UMAD1: variants seen among roughly 807,000 people sequenced by gnomAD.
UMAD1 encodes UBAP1-MVB12-associated (UMA) domain containing 1.
Under a neutral mutation model 6.1 loss-of-function variants are expected in UMAD1, and 8 were observed. That is an observed-to-expected ratio of 1.30 (90% confidence interval 0.76 to 2.35). UMAD1 has a LOEUF of 2.35. Ranked by LOEUF, UMAD1 falls within the 30% of genes most tolerant of loss-of-function variation. UMAD1 has a pLI of 0.00. For synonymous variants in UMAD1, 56 were observed against 31.4 expected (o/e 1.78, Z -2.61); for missense variants, 130 against 78.4 (o/e 1.66, Z -2.49).
intron 3 of UMAD1, among the ~76,000 whole-genome samples, chr7:7,824,681 C>G (rs1783307096): frequency 6.6e-6 from 1 of 152,126 alleles, no homozygotes; most frequent in South Asian, 2.1e-4. Flanking sequence ...AGATAGGACA[C>G]TATCATCATC....
intron 1 of UMAD1, among the ~76,000 whole-genome samples, chr7:7,653,114 T>C (rs1785260539): frequency 6.6e-6 from 1 of 152,248 alleles, no homozygotes; most frequent in Non-Finnish European, 1.5e-5. Flanking sequence ...AGATGCTTTT[T>C]GTTAGAGTTG....
At chr7:7,665,405 T>G (rs1163986511) in intron 1 of UMAD1, among the ~76,000 whole-genome samples, 1 of 152,212 alleles carries the variant, frequency 6.6e-6, no homozygotes, top group Non-Finnish European at 1.5e-5. Flanking sequence ...ACATTTTGCT[T>G]TTTATATAAA....
At chr7:7,699,507 G>A (rs1273122206) in intron 2 of UMAD1, among the ~76,000 whole-genome samples, 2 of 152,190 alleles carry the variant, frequency 1.3e-5, no homozygotes, top group African/African-American at 2.4e-5. Flanking sequence ...AACTAAACAG[G>A]AGCAGTGGAA....
chr7:7,829,255 G>A (rs748109606), intron 3 of UMAD1, among the ~76,000 whole-genome samples: 3 of 152,224 alleles, frequency 2.0e-5, no homozygotes, highest in Admixed American at 6.5e-5. Context: ...TACTGAATGA[G>A]CAGCAGCAAT....
Position 7,834,976 on chromosome 7 carries a change from T to A in UMAD1, c.156+33233T>A, listed in dbSNP as rs1320677941. On this transcript the variant is annotated intron_variant, in intron 3 of 3. Coordinates refer to ENST00000682710, the MANE Select transcript of UMAD1 (RefSeq NM_001302348.2). ...AGAAAGCAAAGGAAGCCACACATTTTAAAAAAATCAGATCTCTTGAGAACT... is the reference window on the plus strand; with the variant it reads ...AGAAAGCAAAGGAAGCCACACATTTAAAAAAAATCAGATCTCTTGAGAACT... Among the ~76,000 whole-genome samples, 6 of 152,078 alleles carry A rather than the reference T, an allele frequency of 3.9e-5. No homozygotes were observed. In the East Asian group the frequency reaches 5.8e-4, roughly 15 times the overall value.
chr7:7,760,622 A>C (rs940365803), intron 2 of UMAD1, among the ~76,000 whole-genome samples: 1 of 152,002 alleles, frequency 6.6e-6, no homozygotes, highest in Non-Finnish European at 1.5e-5. Context: ...TTATGGCAGG[A>C]AGACTGAGTT....
intron 3 of UMAD1, among the ~76,000 whole-genome samples, chr7:7,864,290 C>G (rs1306059376): frequency 6.6e-6 from 1 of 152,106 alleles, no homozygotes. Flanking sequence ...CAAAACACTT[C>G]TAATAGTAAA....
chr7:7,644,464 A>T (rs1373113078), intron 1 of UMAD1, among the ~76,000 whole-genome samples: 4 of 152,014 alleles, frequency 2.6e-5, no homozygotes, highest in Admixed American at 2.6e-4. Flanking sequence ...ATTCTTTGAT[A>T]CATCGTACTC....
intron 2 of UMAD1, chr7:7,742,591 G>C (rs1427513120): frequency 3.0e-5 from 15 of 502,494 alleles, no homozygotes; most frequent in South Asian, 1.8e-4. Context: ...ACAATTTCTA[G>C]AAGGATTAAA....
chr7:7,871,168 T>A (rs1343051564), intron 3 of UMAD1, among the ~76,000 whole-genome samples: 1 of 152,236 alleles, frequency 6.6e-6, no homozygotes, highest in East Asian at 1.9e-4. Flanking sequence ...TCAGCCTGTC[T>A]GTAAGATCTG....
At chr7:7,677,631 C>A (rs1779776300) in intron 2 of UMAD1, among the ~76,000 whole-genome samples, 1 of 151,048 alleles carries the variant, frequency 6.6e-6, no homozygotes, top group Admixed American at 6.6e-5. Flanking sequence ...TGTATATGTA[C>A]CACATTTTCT....
At position 7,828,280 on chromosome 7, in the gene UMAD1, G is replaced by A. The variant is rs145766583; in HGVS notation, c.156+26537G>A. ...AGCTATTATTTGTTGTTCTACTGTG[G>A]TTAGAGACTGTGTGGAGTACAGTGC... is the stretch of plus-strand genomic sequence containing the variant. On this transcript the variant is annotated intron_variant, in intron 3 of 3. Transcript: ENST00000682710. 9.4e-4 allele frequency among the ~76,000 whole-genome samples: 143 copies of A among 152,260 alleles called. 1 individual carries two copies. The highest frequency in any genetic ancestry group is 3.3e-3 in the African/African-American group (136 of 41,568).
chr7:7,760,332 G>C (rs1431477462), intron 2 of UMAD1, among the ~76,000 whole-genome samples: 3 of 151,656 alleles, frequency 2.0e-5, no homozygotes, highest in Non-Finnish European at 4.4e-5. Context: ...TTGACTCACA[G>C]AGCTGTGAGA....
intron 2 of UMAD1, among the ~76,000 whole-genome samples, chr7:7,700,869 C>A (rs1477222414): frequency 2.0e-5 from 3 of 151,750 alleles, no homozygotes; most frequent in African/African-American, 4.9e-5. Context: ...GCCTGGGTAA[C>A]AAGAGCGAGA....
At chr7:7,865,752 T>G (rs1446672597) in intron 3 of UMAD1, among the ~76,000 whole-genome samples, 1 of 152,172 alleles carries the variant, frequency 6.6e-6, no homozygotes, top group Non-Finnish European at 1.5e-5. Flanking sequence ...ACCATGTAGC[T>G]GGAGAGAAAC....
rs1054576833 is a variant in UMAD1, at chr7:7,877,351, T to C, written c.227T>C (p.Leu76Pro). The change falls in exon 4 of 4, where the codon CTG (leucine) becomes CCG (proline). Residue 76 changes from leucine (L) to proline (P), a missense_variant. Physicochemically the swap from Leu to Pro is moderately conservative, Grantham distance 98 (BLOSUM62 -3). Coordinates refer to ENST00000682710, the MANE Select transcript of UMAD1 (RefSeq NM_001302348.2). ...PEMENKAGQT[L>P]ENSSLMAELL... ...ATGGAAAATAAGGCAGGCCAGACTC[T>C]GGAGAACAGCTCATTAATGGCCGAG... 3 of 717,412 alleles carry C rather than the reference T, an allele frequency of 4.2e-6. No individual in the cohort carries two copies. Among genetic ancestry groups the C allele is most frequent in the Non-Finnish European group, 7.8e-6 (3 of 385,104 alleles). 44.4% of individuals were successfully genotyped at this position (717,412 alleles called of 1,614,324 possible).
chr7:7,818,741 G>A (rs537019863), intron 3 of UMAD1, among the ~76,000 whole-genome samples: 94 of 152,322 alleles, frequency 6.2e-4, no homozygotes, highest in African/African-American at 2.3e-3. Flanking sequence ...ATTCACAATA[G>A]CAAAGACATG....
chr7:7,855,259 T>C (rs996548110), intron 3 of UMAD1, among the ~76,000 whole-genome samples: 3 of 152,218 alleles, frequency 2.0e-5, no homozygotes, highest in Non-Finnish European at 4.4e-5. Context: ...AGTGCCCCAG[T>C]GTGGACTCTG....
chr7:7,776,050 T>C (rs1159420598), intron 2 of UMAD1, among the ~76,000 whole-genome samples: 2 of 150,208 alleles, frequency 1.3e-5, no homozygotes, highest in Non-Finnish European at 3.0e-5. Context: ...TAATTTGTTA[T>C]ACACTATACC....
Sources: gnomAD v4.1 joint callset for allele counts (sites outside exome capture counted in the v4.1 genomes callset) on GRCh38, gnomAD v4.1.1 for gene constraint, MANE v1.5 for transcripts, NCBI Gene and HGNC (gene_info 2026-07-23, HGNC 2026-07-21) for gene names.